Variants in ADCY5 observed in about 807,000 individuals in gnomAD.
ADCY5 encodes the protein adenylate cyclase 5.
A neutral mutation model predicts 119.7 loss-of-function variants in ADCY5; 30 were observed. That is an observed-to-expected ratio of 0.25 (90% confidence interval 0.19 to 0.34). The LOEUF (loss-of-function observed/expected upper bound fraction) is 0.34, where lower values mean the gene tolerates loss of function less well. Ranked by LOEUF, ADCY5 falls within the 10% of genes least tolerant of loss-of-function variation. The probability of loss-of-function intolerance (pLI) is 1.00; values close to 1 mark genes in which losing one functional copy is unlikely to be tolerated. For missense variants in ADCY5, 1,324 were observed against 1,775.2 expected (o/e 0.75, Z 4.57); for synonymous variants, 753 against 762.2 (o/e 0.99, Z 0.20).
chr3:123,447,722 G>A lies in ADCY5; in HGVS notation c.824C>T (p.Ala275Val). The change falls in exon 1 of 21, where the codon GCG (alanine) becomes GTG (valine). Residue 275 changes from alanine to valine, a missense_variant. Ala to Val is a moderately conservative substitution (Grantham distance 64). Around this residue, in one of 6 missense-constraint regions of ADCY5, gnomAD observed 585 missense variants for 569.9 expected, o/e 1.03. Coordinates refer to ENST00000462833, the MANE Select transcript of ADCY5 (RefSeq NM_183357.3). The part of the protein sequence containing the change: ...PLQLPYLAVL[A>V]AAVGVILIMA... ...GATGAGGATCACGCCGACGGCGGCCGCCAGCACGGCCAGGTAGGGCAGCTG... is the reference window on the plus strand; with the variant it reads ...GATGAGGATCACGCCGACGGCGGCCACCAGCACGGCCAGGTAGGGCAGCTG... 7.5e-6 allele frequency: 12 copies of A among 1,598,736 alleles called. No homozygotes were observed. The highest frequency in any genetic ancestry group is 2.2e-5 in the East Asian group (1 of 44,580).
At chr3:123,321,411 T>G (rs1247890885) in intron 8 of ADCY5, among the ~76,000 whole-genome samples, 2 of 152,048 alleles carry the variant, frequency 1.3e-5, no homozygotes, top group Non-Finnish European at 1.5e-5. Context: ...GAGTTGAGGG[T>G]GGGAAGGGCC....
intron 1 of ADCY5, among the ~76,000 whole-genome samples, chr3:123,402,536 C>T (rs982079392): frequency 6.6e-6 from 1 of 152,194 alleles, no homozygotes; most frequent in Admixed American, 6.5e-5. Flanking sequence ...CTCATAGGAC[C>T]AGGTTGGGAA....
chr3:123,368,022 G>A lies in ADCY5; in HGVS notation c.1135-15441C>T, dbSNP rs546202273. On this transcript the variant is annotated intron_variant, in intron 1 of 20. Transcript: ENST00000462833. ...GGAGGGGACCATGGGCACCTCAGCA[G>A]GGATCCAGGGGCCCCAGAGATTGCC... is the stretch of plus-strand genomic sequence containing the variant. The A allele has an allele frequency of 2.4e-4, 356 of 1,484,712 alleles. No individual in the cohort carries two copies. The African/African-American group carries it at 4.6e-3, about 19-fold the overall frequency. 92.0% of individuals were successfully genotyped at this position (1,484,712 alleles called of 1,614,324 possible).
At chr3:123,409,517 A>T (rs1343888079) in intron 1 of ADCY5, among the ~76,000 whole-genome samples, 1 of 152,216 alleles carries the variant, frequency 6.6e-6, no homozygotes, top group East Asian at 1.9e-4. Context: ...GTCCTGTCCA[A>T]GCAGCACAGA....
Position 123,303,877 on chromosome 3 carries a change from AG to A in ADCY5, c.2559+189del, listed in dbSNP as rs777585099. Among the ~76,000 whole-genome samples the A allele has an allele frequency of 0.095, 12,061 of 127,504 alleles. 595 individuals are homozygous for A. Among genetic ancestry groups the A allele is most frequent in the East Asian group, 0.17 (257 of 1,490 alleles). The allele number at this position is 127,504 out of a possible 152,430, so 83.6% of individuals were successfully genotyped here. On this transcript the variant is annotated intron_variant, in intron 13 of 20. Coordinates refer to ENST00000462833, the MANE Select transcript of ADCY5 (RefSeq NM_183357.3). ...AGAAGAGAAGAGAAGAGAAGAGAAG[AG>A]AAGAGAAGAGAAGAGAAGAAAGAAC...
Position 123,338,887 on chromosome 3 carries a change from C to CA in ADCY5, c.1407-6213_1407-6212insT, listed in dbSNP as rs200959215. ...CCATGACTTTATGAAGCTGTCAGAG[C>CA]CTGGCCCTGCTCCTGTGCACATCCT... On this transcript the variant is annotated intron_variant, in intron 3 of 20. Coordinates refer to ENST00000462833, the MANE Select transcript of ADCY5 (RefSeq NM_183357.3). 9.6e-3 allele frequency among the ~76,000 whole-genome samples: 1,456 copies of CA among 152,316 alleles called. 20 individuals are homozygous for CA. Among genetic ancestry groups the CA allele is most frequent in the African/African-American group, 0.032 (1,349 of 41,556 alleles).
At chr3:123,411,810 T>G (rs1345280866) in intron 1 of ADCY5, among the ~76,000 whole-genome samples, 1 of 152,088 alleles carries the variant, frequency 6.6e-6, no homozygotes, top group Non-Finnish European at 1.5e-5. Flanking sequence ...TCAATACAGG[T>G]GAGCAGGCCC....
At chr3:123,314,187 G>T in intron 12 of ADCY5, 48 bp downstream of exon 12, 2 of 1,508,526 alleles carry the variant, frequency 1.3e-6, no homozygotes, top group Non-Finnish European at 1.8e-6. Flanking sequence ...CTAGGGCTGA[G>T]AGAAGCGGGA....
intron 8 of ADCY5, among the ~76,000 whole-genome samples, chr3:123,323,468 C>T (rs9819254): frequency 0.47 from 71,586 of 151,858 alleles, 18,516 homozygotes; most frequent in Non-Finnish European, 0.6. Context: ...TCTCTCACCA[C>T]CAGGCCCTGC....
At chr3:123,429,200 T>G (rs1409537062) in intron 1 of ADCY5, among the ~76,000 whole-genome samples, 1 of 152,214 alleles carries the variant, frequency 6.6e-6, no homozygotes, top group Non-Finnish European at 1.5e-5. Context: ...AGACCGAACA[T>G]TCTGCAAAGG....
intron 19 of ADCY5, among the ~76,000 whole-genome samples, chr3:123,287,768 C>T (rs747102997): frequency 6.6e-6 from 1 of 152,216 alleles, no homozygotes; most frequent in Non-Finnish European, 1.5e-5. Flanking sequence ...GCCCTGATGG[C>T]TTCTATTTCC....
chr3:123,348,676 GGCA>G (rs1012492176), intron 2 of ADCY5, among the ~76,000 whole-genome samples: 2 of 152,090 alleles, frequency 1.3e-5, no homozygotes, highest in African/African-American at 4.8e-5. Context: ...CAAGTGGAGG[GGCA>G]GGCCACATCA....
In ADCY5 at chr3:123,352,382, T is replaced by A; in HGVS notation, c.1284+50A>T. 6.4e-7 allele frequency: 1 copy of A among 1,561,962 alleles called. No homozygotes were observed. Among genetic ancestry groups the A allele is most frequent in the Non-Finnish European group, 8.7e-7 (1 of 1,154,674 alleles). On this transcript the variant is annotated intron_variant, in intron 2 of 20. Coordinates refer to ENST00000462833, the MANE Select transcript of ADCY5 (RefSeq NM_183357.3). This position sits in a 1 kb window ranked among gnomAD's most constrained non-coding sequence, Gnocchi z 4.8. ...AGGCCAGGCACTCAGCTGAGGTACA[T>A]CTCAGGGCTCGACTCCGTCCCACTG...
chr3:123,284,546 A>G lies in ADCY5; in HGVS notation c.*62T>C. 1 of 1,602,576 alleles carries G rather than the reference A, an allele frequency of 6.2e-7. No homozygotes were observed. The highest frequency in any genetic ancestry group is 8.5e-7 in the Non-Finnish European group (1 of 1,171,900). On this transcript the variant is annotated 3_prime_UTR_variant, in exon 21 of 21. Transcript: ENST00000462833. ...ATGGCTTCCCCGCCACCCCCGGCAC[A>G]CAGAGAAGCTGCTTCCATGCCTCTG...
chr3:123,430,202 C>T (rs979864998), intron 1 of ADCY5, among the ~76,000 whole-genome samples: 17 of 152,332 alleles, frequency 1.1e-4, no homozygotes, highest in Non-Finnish European at 2.5e-4. Context: ...CCTTAAGTCC[C>T]AGACTGAGGG....
At chr3:123,360,045 C>T (rs1258773579) in intron 1 of ADCY5, among the ~76,000 whole-genome samples, 1 of 149,012 alleles carries the variant, frequency 6.7e-6, no homozygotes, top group Non-Finnish European at 1.5e-5. Context: ...GCACCATGCT[C>T]AATTAGGTGC....
At chr3:123,319,969 C>A (rs1941134366) in intron 9 of ADCY5, 151 bp from the exon 10 acceptor site, 1 of 1,108,416 alleles carries the variant, frequency 9.0e-7, no homozygotes. Flanking sequence ...GAGACTGAGA[C>A]CAGAAGCCTA....
intron 5 of ADCY5, among the ~76,000 whole-genome samples, 170 bp from the exon 6 acceptor site, chr3:123,328,972 C>A (rs922614883): frequency 6.6e-6 from 1 of 152,172 alleles, no homozygotes; most frequent in Non-Finnish European, 1.5e-5. Context: ...CTGGGGCGGG[C>A]GGCAGGTGCA....
chr3:123,342,106 T>G (rs1431354443), intron 3 of ADCY5, among the ~76,000 whole-genome samples: 1 of 152,166 alleles, frequency 6.6e-6, no homozygotes, highest in Non-Finnish European at 1.5e-5. Flanking sequence ...CAGAATACTT[T>G]TCTTCATGTC....
Sources: allele counts gnomAD v4.1 joint callset (sites outside exome capture counted in the v4.1 genomes callset), GRCh38; gene constraint gnomAD v4.1.1; regional missense constraint gnomAD v4.1.1; non-coding constraint Gnocchi (gnomAD v3.1); transcripts MANE v1.5; gene names NCBI Gene and HGNC (gene_info 2026-07-23, HGNC 2026-07-21).